The following C6orf163 variants were observed in gnomAD, a reference collection of about 807,000 sequenced individuals.
The protein encoded by C6orf163 is uncharacterized protein C6orf163.
A neutral mutation model predicts 28.4 loss-of-function variants in C6orf163; 22 were observed. That is an observed-to-expected ratio of 0.78 (90% CI 0.55 to 1.11). C6orf163 has a LOEUF of 1.11. Ranked by LOEUF, C6orf163 falls within the 50% of genes least tolerant of loss-of-function variation. C6orf163 has a pLI of 0.00. For synonymous variants in C6orf163, 110 were observed against 123.6 expected, an observed-to-expected ratio of 0.89 and a Z score of 0.73; for missense variants, 342 against 389.1, an observed-to-expected ratio of 0.88 and a Z score of 1.02.
intron 2 of C6orf163, 145 bp from the exon 3 acceptor site, chr6:87,350,249 G>C (rs1777390626): frequency 3.2e-6 from 2 of 620,172 alleles, no homozygotes; most frequent in South Asian, 3.8e-5. Flanking sequence ...TTTGAGATGG[G>C]AATGGGGCAA....
intron 4 of C6orf163, chr6:87,357,128 C>T (rs1777514898): frequency 6.5e-6 from 1 of 152,742 alleles, no homozygotes; most frequent in Non-Finnish European, 1.5e-5. Flanking sequence ...CTTCCATGCC[C>T]TTTTGATGTG....
At chr6:87,354,560 A>C (rs768848197) in intron 3 of C6orf163, among the ~76,000 whole-genome samples, 29 of 152,226 alleles carry the variant, frequency 1.9e-4, no homozygotes, top group Non-Finnish European at 3.1e-4. Flanking sequence ...TTGTCAAAAA[A>C]ATTTTAGTGA....
At chr6:87,349,613 A>C (rs1184775417) in intron 2 of C6orf163, among the ~76,000 whole-genome samples, 1 of 152,242 alleles carries the variant, frequency 6.6e-6, no homozygotes, top group Non-Finnish European at 1.5e-5. Flanking sequence ...CAGTGCTTAG[A>C]AAAATGTTTG....
At chr6:87,348,999 A>G (rs1429713287) in intron 2 of C6orf163, 93 bp downstream of exon 2, 1 of 1,434,678 alleles carries the variant, frequency 7.0e-7, no homozygotes, top group Non-Finnish European at 9.2e-7. Flanking sequence ...TAGTAGTCAG[A>G]ACTGACTGAA....
intron 2 of C6orf163, among the ~76,000 whole-genome samples, chr6:87,349,843 A>G (rs888159241): frequency 2.0e-5 from 3 of 152,212 alleles, no homozygotes; most frequent in Non-Finnish European, 2.9e-5. Context: ...TGAACCATCA[A>G]TTATACACCC....
Position 87,344,861 on chromosome 6 carries a change from C to A in C6orf163, c.-239C>A. 3.1e-6 allele frequency: 1 copy of A among 327,094 alleles called. No individual in the cohort carries two copies. The highest frequency in any genetic ancestry group is 5.5e-6 in the Non-Finnish European group (1 of 181,048). 20.3% of individuals were successfully genotyped at this position (327,094 alleles called of 1,614,324 possible). ...TCTGGGAAGGAGCAACTACTTAAAT[C>A]TTCCCAAATCTGGTGCCCATACCTT... On this transcript the variant is annotated 5_prime_UTR_variant, in exon 1 of 5. Transcript: ENST00000388923.
intron 3 of C6orf163, among the ~76,000 whole-genome samples, chr6:87,354,859 T>G (rs912147635): frequency 2.6e-5 from 4 of 152,246 alleles, no homozygotes; most frequent in Admixed American, 6.5e-5. Context: ...TCCCTTATAA[T>G]TTAGAGTTCT....
intron 1 of C6orf163, among the ~76,000 whole-genome samples, chr6:87,346,673 G>A (rs73755409): frequency 0.011 from 1,602 of 152,200 alleles, 29 homozygotes; most frequent in African/African-American, 0.035. Flanking sequence ...TCCTGGCAGT[G>A]CACTATATAG....
At chr6:87,352,638 T>C (rs1777433967) in intron 3 of C6orf163, among the ~76,000 whole-genome samples, 1 of 152,100 alleles carries the variant, frequency 6.6e-6, no homozygotes, top group African/African-American at 2.4e-5. Flanking sequence ...GAAAAATAAA[T>C]GAAAAACTAC....
In C6orf163 at chr6:87,365,162, T is replaced by G; in HGVS notation, c.756T>G (p.Asp252Glu). 6.4e-7 allele frequency: 1 copy of G among 1,551,866 alleles called. No individual in the cohort carries two copies. Among genetic ancestry groups the G allele is most frequent in the Non-Finnish European group, 8.7e-7 (1 of 1,147,022 alleles). Residue 252 changes from aspartate to glutamate, a missense_variant, in exon 5 of 5, where the codon GAT (aspartate) becomes GAG (glutamate). Physicochemically the swap from Asp to Glu is conservative, Grantham distance 45. Coordinates refer to ENST00000388923, the MANE Select transcript of C6orf163 (RefSeq NM_001010868.3). ...AGGCCACTCTTGGCAATATGATGGA[T>G]AAACTGGCTAACACCCAGGGGGAGC... ...THQATLGNMM[D>E]KLANTQGELL...
intron 3 of C6orf163, among the ~76,000 whole-genome samples, chr6:87,353,624 C>T (rs562204252): frequency 6.6e-6 from 1 of 152,014 alleles, no homozygotes; most frequent in Non-Finnish European, 1.5e-5. Flanking sequence ...TATGGTAGTA[C>T]TTCACCTGTC....
chr6:87,346,388 T>A (rs1777324650), intron 1 of C6orf163, among the ~76,000 whole-genome samples: 1 of 152,236 alleles, frequency 6.6e-6, no homozygotes, highest in African/African-American at 2.4e-5. Context: ...TTCATTATGA[T>A]CTCTAAAGTG....
chr6:87,362,441 C>T (rs1359761366), intron 4 of C6orf163, among the ~76,000 whole-genome samples: 1 of 152,166 alleles, frequency 6.6e-6, no homozygotes, highest in African/African-American at 2.4e-5. Flanking sequence ...GGTGCCACTG[C>T]ACTCCAGCCT....
chr6:87,350,453 C>A lies in C6orf163; in HGVS notation c.303C>A (p.His101Gln), dbSNP rs1777394934. 2.0e-6 allele frequency: 3 copies of A among 1,535,728 alleles called. No homozygotes were observed. Among genetic ancestry groups the A allele is most frequent in the Admixed American group, 2.0e-5 (1 of 50,830 alleles). ...CACTTGAAGAAGCAAATGACAGACACAAAATTGAAATTCAGATTTTGAAAG... is the reference window on the plus strand; with the variant it reads ...CACTTGAAGAAGCAAATGACAGACAAAAAATTGAAATTCAGATTTTGAAAG... ...EKALEEANDR[H>Q]KIEIQILKEE... is the part of the protein sequence containing the mutation. Residue 101 changes from histidine (H) to glutamine (Q), a missense_variant, in exon 3 of 5, where the codon CAC becomes CAA. Transcript: ENST00000388923.
chr6:87,359,904 A>G (rs913540630), intron 4 of C6orf163, among the ~76,000 whole-genome samples: 7 of 152,220 alleles, frequency 4.6e-5, no homozygotes, highest in African/African-American at 1.7e-4. Flanking sequence ...GCTCACAGAA[A>G]GCATAGACAT....
chr6:87,347,838 G>T lies in C6orf163; in HGVS notation c.149-974G>T, dbSNP rs73755411. The T allele has an allele frequency of 3.6e-3, 3,543 of 985,464 alleles. 86 individuals carry two copies. In the African/African-American group the frequency reaches 0.054, roughly 15 times the overall value. 61.0% of individuals were successfully genotyped at this position (985,464 alleles called of 1,614,324 possible). Reference sequence around the variant, plus strand: ...GGAATGTGGATCCAGATAGCTCTAAGAATCTATTACCTTCAGCTTAGAAAT... The same window carrying T: ...GGAATGTGGATCCAGATAGCTCTAATAATCTATTACCTTCAGCTTAGAAAT... On this transcript the variant is annotated intron_variant, in intron 1 of 4. Transcript: ENST00000388923.
intron 3 of C6orf163, chr6:87,356,098 C>G (rs1041643145): frequency 3.5e-5 from 19 of 548,990 alleles, no homozygotes; most frequent in Admixed American, 6.3e-5. Flanking sequence ...GATATTTATG[C>G]TACATAGTTT....
chr6:87,351,103 C>A (rs1043175189), intron 3 of C6orf163, among the ~76,000 whole-genome samples: 1 of 152,184 alleles, frequency 6.6e-6, no homozygotes, highest in Non-Finnish European at 1.5e-5. Flanking sequence ...GTAGCCTGTT[C>A]AAGTACATGA....
At chr6:87,350,195 C>T (rs901047176) in intron 2 of C6orf163, among the ~76,000 whole-genome samples, 199 bp from the exon 3 acceptor site, 7 of 152,172 alleles carry the variant, frequency 4.6e-5, no homozygotes, top group African/African-American at 1.7e-4. Flanking sequence ...GATTGGGATG[C>T]ATTAGAGCAT....
Sources: gnomAD v4.1 joint callset for allele counts (sites outside exome capture counted in the v4.1 genomes callset) on GRCh38, gnomAD v4.1.1 for gene constraint, MANE v1.5 for transcripts, NCBI Gene and HGNC (gene_info 2026-07-23, HGNC 2026-07-21) for gene names.